Variants in SUGCT observed in about 807,000 individuals in gnomAD.
SUGCT encodes the protein succinyl-CoA:glutarate-CoA transferase.
In SUGCT, 41 loss-of-function variants were observed where a neutral mutation model predicts 55.0. That is an observed-to-expected ratio of 0.74 (90% CI 0.58 to 0.97). The LOEUF is 0.97. Ranked by LOEUF, SUGCT falls within the 50% of genes least tolerant of loss-of-function variation. The probability of loss-of-function intolerance (pLI) is 0.00; values close to 1 mark genes in which losing one functional copy is unlikely to be tolerated. For missense variants in SUGCT, 568 were observed against 547.8 expected (o/e 1.04, Z -0.37); for synonymous variants, 187 against 200.4 (o/e 0.93, Z 0.56).
At chr7:41,027,623 G>A in the SUGCT span, among the ~76,000 whole-genome samples, 2 of 152,112 alleles carry the variant, frequency 1.3e-5, no homozygotes, top group Non-Finnish European at 2.9e-5. Context: ...TGAGAGCATC[G>A]AAGGTATTCA....
At chr7:40,594,604 G>C (rs1453158727) in intron 12 of SUGCT, among the ~76,000 whole-genome samples, 2 of 152,142 alleles carry the variant, frequency 1.3e-5, no homozygotes, top group Non-Finnish European at 2.9e-5. Context: ...TATGGCCCCA[G>C]ATTTACCTGT....
chr7:40,597,752 G>A (rs1044650353), intron 12 of SUGCT, among the ~76,000 whole-genome samples: 2 of 152,158 alleles, frequency 1.3e-5, no homozygotes, highest in African/African-American at 2.4e-5. Flanking sequence ...ATGATTGAAA[G>A]GAACAGAGTC....
At chr7:40,253,619 G>A (rs1790594272) in intron 7 of SUGCT, among the ~76,000 whole-genome samples, 1 of 151,952 alleles carries the variant, frequency 6.6e-6, no homozygotes, top group Non-Finnish European at 1.5e-5. Flanking sequence ...CTGGAGTGCA[G>A]TGGCTCCACC....
intron 9 of SUGCT, among the ~76,000 whole-genome samples, chr7:40,369,334 G>T (rs1211877381): frequency 6.6e-6 from 1 of 152,154 alleles, no homozygotes; most frequent in Non-Finnish European, 1.5e-5. Context: ...TCTGGCTTTT[G>T]TGGGAAGAAG....
the SUGCT span, among the ~76,000 whole-genome samples, chr7:40,946,058 G>A: frequency 1.3e-5 from 2 of 151,714 alleles, no homozygotes; most frequent in Non-Finnish European, 2.9e-5. Flanking sequence ...GAACCTTCTG[G>A]TTAGCCAGGA....
At chr7:40,266,464 C>T (rs1033733969) in intron 7 of SUGCT, among the ~76,000 whole-genome samples, 1 of 151,758 alleles carries the variant, frequency 6.6e-6, no homozygotes, top group Non-Finnish European at 1.5e-5. Flanking sequence ...TAGTTTTATA[C>T]CTATCAAAAA....
At chr7:40,866,711 C>T in the SUGCT span, among the ~76,000 whole-genome samples, 1 of 151,864 alleles carries the variant, frequency 6.6e-6, no homozygotes, top group Non-Finnish European at 1.5e-5. Context: ...GAGTCCCAAA[C>T]GTTTTGTCTC....
chr7:40,234,157 A>G (rs1332643472), intron 6 of SUGCT, among the ~76,000 whole-genome samples: 2 of 152,196 alleles, frequency 1.3e-5, no homozygotes, highest in African/African-American at 4.8e-5. Context: ...GGTTTGTCCC[A>G]TTTGAGGGAT....
At chr7:40,184,104 G>T (rs1305745099) in intron 3 of SUGCT, among the ~76,000 whole-genome samples, 2 of 152,110 alleles carry the variant, frequency 1.3e-5, no homozygotes, top group Non-Finnish European at 2.9e-5. Context: ...GAACCTGGGA[G>T]GCGGAGGTTG....
chr7:40,768,079 C>T (rs1466439186), intron 13 of SUGCT, among the ~76,000 whole-genome samples: 1 of 152,186 alleles, frequency 6.6e-6, no homozygotes, highest in African/African-American at 2.4e-5. Flanking sequence ...CATACTCCCT[C>T]AGGGTCCCAG....
At chr7:40,241,882 T>C (rs76077840) in intron 7 of SUGCT, among the ~76,000 whole-genome samples, 39 of 147,626 alleles carry the variant, frequency 2.6e-4, no homozygotes, top group African/African-American at 9.8e-4. Context: ...ATCACGCCAC[T>C]GTACTCCAGC....
intron 6 of SUGCT, among the ~76,000 whole-genome samples, chr7:40,213,665 CTG>C (rs906299605): frequency 2.0e-5 from 3 of 152,290 alleles, no homozygotes; most frequent in African/African-American, 7.2e-5. Context: ...TTATTTGTAA[CTG>C]TTCTGAAAGC....
chr7:40,981,763 A>G, the SUGCT span, among the ~76,000 whole-genome samples: 146 of 152,322 alleles, frequency 9.6e-4, no homozygotes, highest in African/African-American at 3.4e-3. Flanking sequence ...GTTCTTTGCC[A>G]TTTTATGACA....
chr7:40,615,153 C>T (rs1798941475), intron 12 of SUGCT, among the ~76,000 whole-genome samples: 2 of 151,870 alleles, frequency 1.3e-5, no homozygotes, highest in Admixed American at 1.3e-4. Flanking sequence ...AATGCTGAAT[C>T]CACCACAAAT....
chr7:40,945,029 AT>A, the SUGCT span, among the ~76,000 whole-genome samples: 49 of 151,924 alleles, frequency 3.2e-4, no homozygotes, highest in East Asian at 8.4e-3. Flanking sequence ...TTGTTTATTA[AT>A]TTTTCCCCAG....
chr7:40,406,370 G>A (rs1786371116), intron 9 of SUGCT, among the ~76,000 whole-genome samples: 1 of 152,130 alleles, frequency 6.6e-6, no homozygotes, highest in African/African-American at 2.4e-5. Flanking sequence ...TAATGTTGTG[G>A]CTGATTTATT....
chr7:40,913,420 A>C, the SUGCT span, among the ~76,000 whole-genome samples: 1 of 152,184 alleles, frequency 6.6e-6, no homozygotes, highest in African/African-American at 2.4e-5. Flanking sequence ...AGTCCACCCA[A>C]AGTAAATATA....
the SUGCT span, among the ~76,000 whole-genome samples, chr7:40,919,663 T>C: frequency 6.6e-6 from 1 of 152,190 alleles, no homozygotes; most frequent in African/African-American, 2.4e-5. Flanking sequence ...ACAGAAGTAT[T>C]ATAATAACTG....
the SUGCT span, among the ~76,000 whole-genome samples, chr7:40,899,075 C>CA: frequency 6.6e-6 from 1 of 152,170 alleles, no homozygotes; most frequent in Non-Finnish European, 1.5e-5. Context: ...TAGAACCCCC[C>CA]AGAGCTCTGA....
Sources: gnomAD v4.1 joint callset for allele counts (sites outside exome capture counted in the v4.1 genomes callset) on GRCh38, gnomAD v4.1.1 for gene constraint, MANE v1.5 for transcripts, NCBI Gene and HGNC (gene_info 2026-07-23, HGNC 2026-07-21) for gene names.